Variants in MYO3A observed in about 807,000 individuals in gnomAD.
MYO3A encodes the protein myosin IIIA.
A neutral mutation model predicts 192.7 loss-of-function variants in MYO3A; 180 were observed. The observed-to-expected ratio is 0.93, with a 90% CI of 0.83 to 1.06. The LOEUF is 1.06. Among genes scored for constraint, MYO3A ranks in the 50% least tolerant of loss-of-function variants. The pLI is 0.00. For synonymous variants in MYO3A, 628 were observed against 645.3 expected (o/e 0.97, Z 0.41); for missense variants, 1,896 against 1,905.0 (o/e 1.00, Z 0.09).
rs754217606 is a variant in MYO3A at position 26,193,271 on chromosome 10, T to G, written c.4505T>G (p.Leu1502Ter). 1.5e-5 allele frequency: 24 copies of G among 1,613,796 alleles called. No homozygotes were observed. The highest frequency in any genetic ancestry group is 2.5e-6 in the Non-Finnish European group (3 of 1,179,916). ...PPRRPRKPKT[L>*]NNPEDSTYYY... is the part of the protein sequence containing the mutation. Reference sequence around the variant, plus strand: ...AGACGACCCCGGAAACCCAAAACATTAAATAACCCTGAAGACTCCACATAC... The same window carrying G: ...AGACGACCCCGGAAACCCAAAACATGAAATAACCCTGAAGACTCCACATAC... Residue 1502 changes from leucine (L) to a stop codon, truncating the protein, a stop_gained, in exon 32 of 35, where the codon TTA becomes TGA. Coordinates refer to ENST00000642920, the MANE Select transcript of MYO3A (RefSeq NM_017433.5). LOFTEE classifies it high-confidence loss of function.
intron 10 of MYO3A, among the ~76,000 whole-genome samples, chr10:26,062,085 A>C (rs1266889792): frequency 1.3e-5 from 2 of 152,202 alleles, no homozygotes; most frequent in African/African-American, 4.8e-5. Flanking sequence ...ACTAAAGTTT[A>C]TCGAGAAACT....
chr10:26,050,040 T>C (rs976480175), intron 10 of MYO3A, among the ~76,000 whole-genome samples: 3 of 152,098 alleles, frequency 2.0e-5, no homozygotes, highest in Non-Finnish European at 4.4e-5. Flanking sequence ...TTGAGAGTTC[T>C]GGTACAGAGG....
chr10:25,950,922 A>G (rs1480721697), intron 2 of MYO3A, among the ~76,000 whole-genome samples: 3 of 152,156 alleles, frequency 2.0e-5, no homozygotes, highest in Non-Finnish European at 4.4e-5. Flanking sequence ...AAGTGCTAAG[A>G]ACACTTTCCT....
Position 26,165,927 on chromosome 10 carries a change from T to C in MYO3A, c.3000-140T>C, listed in dbSNP as rs370862456. The C allele has an allele frequency of 1.1e-4, 88 of 785,964 alleles. 1 individual carries two copies. In the African/African-American group the frequency reaches 1.3e-3, roughly 12 times the overall value. 48.7% of individuals were successfully genotyped at this position (785,964 alleles called of 1,614,324 possible). ...AATTTGGTCTACTCCGAAGTTGTTC[T>C]GAGGATGCCTAAAGGATTTCTCCGC... is the stretch of plus-strand genomic sequence containing the variant. On this transcript the variant is annotated intron_variant, in intron 26 of 34. Coordinates refer to ENST00000642920, the MANE Select transcript of MYO3A (RefSeq NM_017433.5).
rs1554816581 is a variant in MYO3A, at chr10:26,062,530, A to AAAAAAAAAAAAAAAAAACG, written c.954-4442_954-4441insAAAAAAAAAAAAAACGAAA. Among the ~76,000 whole-genome samples the AAAAAAAAAAAAAAAAAACG allele has an allele frequency of 1.6e-3, 199 of 125,826 alleles. 13 individuals carry two copies. Among genetic ancestry groups the AAAAAAAAAAAAAAAAAACG allele is most frequent in the Middle Eastern group, 4.1e-3 (1 of 244 alleles). The allele number at this position is 125,826 out of a possible 152,430, so 82.5% of individuals were successfully genotyped here. The stretch of plus-strand genomic sequence containing the variant: ...GATGCCATCTCAAAAAAAAAAAAAA[A>AAAAAAAAAAAAAAAAAACG]AAATTATGGAGGAATCTAATTAAGA... On this transcript the variant is annotated intron_variant, in intron 10 of 34. Transcript: ENST00000642920.
At chr10:25,955,223 G>T (rs1261617711) in intron 4 of MYO3A, among the ~76,000 whole-genome samples, 4 of 152,108 alleles carry the variant, frequency 2.6e-5, no homozygotes, top group Admixed American at 6.6e-5. Context: ...AAAAAGAAAT[G>T]ACTCCACAAT....
At chr10:26,030,266 C>G (rs1842744792) in intron 10 of MYO3A, among the ~76,000 whole-genome samples, 1 of 151,928 alleles carries the variant, frequency 6.6e-6, no homozygotes, top group Non-Finnish European at 1.5e-5. Context: ...TTTTGTTTGC[C>G]CTGTTAGGTC....
chr10:26,153,531 T>G (rs1365379806), intron 23 of MYO3A, among the ~76,000 whole-genome samples: 1 of 152,206 alleles, frequency 6.6e-6, no homozygotes, highest in African/African-American at 2.4e-5. Context: ...TCAGATGCCA[T>G]TTATCACACA....
intron 4 of MYO3A, among the ~76,000 whole-genome samples, chr10:25,985,205 T>G (rs1839573475): frequency 7.3e-6 from 1 of 137,338 alleles, no homozygotes; most frequent in Admixed American, 8.0e-5. Context: ...GCCACTGCAC[T>G]CCAGCGTGGG....
chr10:26,037,902 C>A (rs533109447), intron 10 of MYO3A, among the ~76,000 whole-genome samples: 141 of 152,288 alleles, frequency 9.3e-4, no homozygotes, highest in Non-Finnish European at 1.2e-3. Flanking sequence ...ATGATTCAGT[C>A]ACCTCCCACA....
At chr10:26,102,591 C>T (rs1288376301) in intron 17 of MYO3A, among the ~76,000 whole-genome samples, 1 of 152,160 alleles carries the variant, frequency 6.6e-6, no homozygotes, top group Non-Finnish European at 1.5e-5. Flanking sequence ...GTGTGTATGT[C>T]CTTTCTATTT....
chr10:25,963,153 A>G (rs1295038847), intron 4 of MYO3A, among the ~76,000 whole-genome samples: 3 of 152,174 alleles, frequency 2.0e-5, no homozygotes, highest in Admixed American at 1.3e-4. Flanking sequence ...TTGCTCCCCA[A>G]TTATAGCAAT....
chr10:26,124,424 TTA>T (rs1428472955), intron 18 of MYO3A, among the ~76,000 whole-genome samples: 5 of 152,084 alleles, frequency 3.3e-5, no homozygotes, highest in African/African-American at 1.2e-4. Context: ...GCATAAGATG[TTA>T]TATGAGATAA....
At chr10:25,966,760 C>G (rs1338405320) in intron 4 of MYO3A, among the ~76,000 whole-genome samples, 1 of 152,176 alleles carries the variant, frequency 6.6e-6, no homozygotes, top group Non-Finnish European at 1.5e-5. Context: ...CCAAGAAACT[C>G]TATCAGAGGT....
At chr10:25,970,098 C>G (rs1009283633) in intron 4 of MYO3A, among the ~76,000 whole-genome samples, 5 of 151,850 alleles carry the variant, frequency 3.3e-5, no homozygotes, top group Non-Finnish European at 5.9e-5. Context: ...ATAGTCATAT[C>G]CTCAATATTA....
intron 14 of MYO3A, among the ~76,000 whole-genome samples, chr10:26,082,554 A>G (rs1836027362): frequency 6.6e-6 from 1 of 152,220 alleles, no homozygotes; most frequent in South Asian, 2.1e-4. Context: ...CACAGGGGAT[A>G]TGATCCAAGA....
intron 4 of MYO3A, among the ~76,000 whole-genome samples, chr10:25,955,679 C>T (rs1364680846): frequency 1.2e-4 from 18 of 152,096 alleles, no homozygotes. Flanking sequence ...TTTCATTGAA[C>T]ATTATTCAAG....
At chr10:26,154,948 A>G in intron 25 of MYO3A, 125 bp downstream of exon 25, 1 of 837,832 alleles carries the variant, frequency 1.2e-6, no homozygotes, top group Admixed American at 2.0e-5. Context: ...ATTGTTAGAT[A>G]CAGGATATGT....
chr10:26,167,081 G>T (rs927323664), intron 27 of MYO3A, among the ~76,000 whole-genome samples: 1 of 152,238 alleles, frequency 6.6e-6, no homozygotes, highest in East Asian at 1.9e-4. Context: ...AATGTATCAC[G>T]GGGAGGATGA....
Sources: allele counts gnomAD v4.1 joint callset (sites outside exome capture counted in the v4.1 genomes callset), GRCh38; gene constraint gnomAD v4.1.1; transcripts MANE v1.5; gene names NCBI Gene and HGNC (gene_info 2026-07-23, HGNC 2026-07-21).